TRPM8: variants seen among roughly 807,000 people sequenced by gnomAD.
The protein encoded by TRPM8 is transient receptor potential cation channel subfamily M member 8.
A neutral mutation model predicts 133.7 loss-of-function variants in TRPM8; 110 were observed. That is an observed-to-expected ratio of 0.82 (90% CI 0.70 to 0.96). The LOEUF (loss-of-function observed/expected upper bound fraction) is 0.96, where lower values mean the gene tolerates loss of function less well. TRPM8 is among the 40% of genes least tolerant of loss of function. TRPM8 has a pLI of 0.00. For synonymous variants in TRPM8, 535 were observed against 532.3 expected (o/e 1.01, Z -0.07); for missense variants, 1,291 against 1,379.5 (o/e 0.94, Z 1.02).
intron 22 of TRPM8, among the ~76,000 whole-genome samples, chr2:233,997,499 A>G (rs1214542167): frequency 6.6e-6 from 1 of 152,096 alleles, no homozygotes; most frequent in Non-Finnish European, 1.5e-5. Flanking sequence ...AGGGGAGCTG[A>G]AAGCCTTTTC....
intron 6 of TRPM8, among the ~76,000 whole-genome samples, chr2:233,945,588 T>A (rs576106536): frequency 6.6e-6 from 1 of 152,176 alleles, no homozygotes; most frequent in Non-Finnish European, 1.5e-5. Context: ...GAACCAAGAA[T>A]GGGACTGGGA....
intron 2 of TRPM8, among the ~76,000 whole-genome samples, chr2:233,927,496 G>A (rs1315873409): frequency 1.3e-5 from 2 of 152,142 alleles, no homozygotes; most frequent in African/African-American, 4.8e-5. Flanking sequence ...GCATGCCTTG[G>A]GGGACTGAGC....
Position 234,017,346 on chromosome 2 carries a change from T to G in TRPM8, c.*90T>G, listed in dbSNP as rs1283445379. The G allele has an allele frequency of 6.4e-6, 3 of 471,326 alleles. No individual in the cohort carries two copies. Among genetic ancestry groups the G allele is most frequent in the Non-Finnish European group, 1.3e-5 (3 of 227,132 alleles). The allele number at this position is 471,326 out of a possible 1,614,324, so 29.2% of individuals were successfully genotyped here. A position where few individuals can be genotyped will look rare whatever the true frequency, so the allele number is the denominator to read the frequency against. ...AACAATTTTGCTATCGACTACTAAA[T>G]GAGAGATTTTCAGACCCCTGGGTAC... On this transcript the variant is annotated 3_prime_UTR_variant, in exon 26 of 26. Transcript: ENST00000324695.
intron 17 of TRPM8, among the ~76,000 whole-genome samples, chr2:233,975,659 T>C (rs1691852340): frequency 6.6e-6 from 1 of 152,172 alleles, no homozygotes; most frequent in South Asian, 2.1e-4. Context: ...GGCGGGCGGA[T>C]CACCTGAGCT....
intron 9 of TRPM8, among the ~76,000 whole-genome samples, chr2:233,951,030 G>A (rs530676961): frequency 7.4e-4 from 108 of 146,416 alleles, no homozygotes; most frequent in African/African-American, 2.4e-3. Flanking sequence ...GTGAGACCCC[G>A]TCCCTACAAA....
chr2:234,015,128 A>T lies in TRPM8; in HGVS notation c.*42+474A>T, dbSNP rs192248607. On this transcript the variant is annotated intron_variant, in intron 25 of 25. Coordinates refer to ENST00000324695, the MANE Select transcript of TRPM8 (RefSeq NM_024080.5). ...TTAATCATCTTTTTACTAACAAAAAATGTTTTGGTGAGGCATTCAAGGTTT... is the reference window on the plus strand; with the variant it reads ...TTAATCATCTTTTTACTAACAAAAATTGTTTTGGTGAGGCATTCAAGGTTT... Among the ~76,000 whole-genome samples, 172 of 152,358 alleles carry T rather than the reference A, an allele frequency of 1.1e-3. 1 individual carries two copies. The highest frequency in any genetic ancestry group is 3.8e-3 in the African/African-American group (158 of 41,586).
intron 1 of TRPM8, among the ~76,000 whole-genome samples, chr2:233,920,536 C>T (rs1475572736): frequency 6.6e-6 from 1 of 152,226 alleles, no homozygotes; most frequent in Non-Finnish European, 1.5e-5. Flanking sequence ...ATTTTACTTT[C>T]ATGGCATAGC....
intron 7 of TRPM8, 66 bp downstream of exon 7, chr2:233,946,096 A>G: frequency 6.8e-7 from 1 of 1,470,506 alleles, no homozygotes; most frequent in South Asian, 1.2e-5. Context: ...CATCAACAAC[A>G]ATCACTACCA....
intron 15 of TRPM8, among the ~76,000 whole-genome samples, chr2:233,967,786 T>TGCTG (rs1278827403): frequency 6.6e-6 from 1 of 152,116 alleles, no homozygotes; most frequent in Non-Finnish European, 1.5e-5. Flanking sequence ...GTAAGGCTGG[T>TGCTG]GCTGGAGTCG....
intron 11 of TRPM8, among the ~76,000 whole-genome samples, chr2:233,959,183 G>A (rs564495955): frequency 4.9e-4 from 74 of 152,046 alleles, no homozygotes; most frequent in African/African-American, 1.7e-3. Flanking sequence ...GCGCCACCAC[G>A]CCCAGCTAAT....
chr2:234,006,981 A>C (rs746617039), intron 23 of TRPM8, 29 bp downstream of exon 23: 2 of 1,557,970 alleles, frequency 1.3e-6, no homozygotes. Flanking sequence ...TCTGCTTTGC[A>C]AGGCTCCCTC....
At chr2:234,005,283 T>C (rs1692664795) in intron 22 of TRPM8, among the ~76,000 whole-genome samples, 1 of 152,210 alleles carries the variant, frequency 6.6e-6, no homozygotes, top group Non-Finnish European at 1.5e-5. Context: ...ATATAGTCAT[T>C]ATTTTACTGC....
chr2:234,012,737 G>A (rs542699452), intron 24 of TRPM8, among the ~76,000 whole-genome samples: 1 of 152,038 alleles, frequency 6.6e-6, no homozygotes, highest in South Asian at 2.1e-4. Context: ...GATTTTAGTT[G>A]TGGGTTTTTT....
chr2:234,016,000 C>T (rs767915311), intron 25 of TRPM8, among the ~76,000 whole-genome samples: 8 of 152,154 alleles, frequency 5.3e-5, no homozygotes, highest in Middle Eastern at 3.2e-3. Context: ...GATTCAGACA[C>T]GCACATCCCC....
intron 4 of TRPM8, among the ~76,000 whole-genome samples, chr2:233,938,437 A>G (rs923916520): frequency 5.9e-5 from 9 of 152,232 alleles, no homozygotes; most frequent in Non-Finnish European, 1.0e-4. Flanking sequence ...TGCCCGTGGC[A>G]CAGCCTTAAG....
chr2:233,975,752 C>T (rs375454637), intron 17 of TRPM8, among the ~76,000 whole-genome samples: 8 of 152,194 alleles, frequency 5.3e-5, no homozygotes, highest in East Asian at 1.9e-4. Context: ...CATGGTGGCG[C>T]GTGCCTGTAA....
Position 233,960,922 on chromosome 2 carries a change from G to A in TRPM8, c.1509G>A (p.Thr503=), listed in dbSNP as rs200084546. ...AACTCTTCTCCAACCACTTCAGCAC[G>A]CTTGTGTACCGGAATCTGCAGATCG... ...LTELFSNHFS[T]LVYRNLQIAK... Residue 503 remains threonine, a synonymous_variant, in exon 12 of 26, where the codon ACG becomes ACA. Coordinates refer to ENST00000324695, the MANE Select transcript of TRPM8 (RefSeq NM_024080.5). The A allele has an allele frequency of 1.4e-5, 22 of 1,614,152 alleles. No homozygotes were observed. Among genetic ancestry groups the A allele is most frequent in the Non-Finnish European group, 1.4e-5 (17 of 1,180,030 alleles).
At chr2:233,932,968 G>C (rs1191926943) in intron 3 of TRPM8, among the ~76,000 whole-genome samples, 2 of 150,358 alleles carry the variant, frequency 1.3e-5, no homozygotes, top group East Asian at 3.9e-4. Context: ...TGCCACCCTA[G>C]TGCTAAGCCC....
chr2:233,956,740 T>C (rs186058436), intron 11 of TRPM8, among the ~76,000 whole-genome samples: 29 of 152,324 alleles, frequency 1.9e-4, no homozygotes, highest in African/African-American at 5.8e-4. Context: ...GGCTTATGAA[T>C]TTTTAAATTA....
Sources: allele counts gnomAD v4.1 joint callset (sites outside exome capture counted in the v4.1 genomes callset), GRCh38; gene constraint gnomAD v4.1.1; transcripts MANE v1.5; gene names NCBI Gene and HGNC (gene_info 2026-07-23, HGNC 2026-07-21).